The following NANP variants were observed in gnomAD, a reference collection of about 807,000 sequenced individuals.
NANP encodes the protein N-acylneuraminate-9-phosphatase.
Under a neutral mutation model 16.9 loss-of-function variants are expected in NANP, and 15 were observed. The observed-to-expected ratio is 0.89, with a 90% CI of 0.59 to 1.37. The LOEUF is 1.37. NANP is among the 40% of genes most tolerant of loss of function. The pLI, the probability that NANP is intolerant of heterozygous loss-of-function variation, is 0.00. For missense variants in NANP, 290 were observed against 303.5 expected, an observed-to-expected ratio of 0.96 and a Z score of 0.33; for synonymous variants, 135 against 112.6, an observed-to-expected ratio of 1.20 and a Z score of -1.26.
intron 1 of NANP, among the ~76,000 whole-genome samples, chr20:25,622,178 T>C (rs1286289342): frequency 6.6e-6 from 1 of 152,224 alleles, no homozygotes; most frequent in Non-Finnish European, 1.5e-5. Context: ...GTGGCAAGAA[T>C]GTGGAGGACA....
rs1449155004 is a variant in NANP at position 25,616,271 on chromosome 20, T to C, written c.401A>G (p.Asp134Gly). The C allele has an allele frequency of 2.5e-6, 4 of 1,614,160 alleles. No homozygotes were observed. Among genetic ancestry groups the C allele is most frequent in the South Asian group, 1.1e-5 (1 of 91,086 alleles). Reference sequence around the variant, plus strand: ...AATCTTCTCCCTCTGGGTCTGTCTGTCCCCATTCGTTAATAGAAGTAGGCG... The same window carrying C: ...AATCTTCTCCCTCTGGGTCTGTCTGCCCCCATTCGTTAATAGAAGTAGGCG... Reference protein sequence around the residue: ...EVRLLLLTNGDRQTQREKIEA... With the variant: ...EVRLLLLTNGGRQTQREKIEA... Residue 134 changes from aspartate to glycine, a missense_variant, in exon 2 of 2, where the codon GAC (aspartate) becomes GGC (glycine). By Grantham distance (94) the Asp-to-Gly change is moderately conservative. Transcript: ENST00000304788.
intron 1 of NANP, among the ~76,000 whole-genome samples, chr20:25,621,700 G>A (rs1600398842): frequency 6.6e-6 from 1 of 152,096 alleles, no homozygotes; most frequent in Non-Finnish European, 1.5e-5. Flanking sequence ...GACTACAGGC[G>A]CCCGCCAACA....
Position 25,615,956 on chromosome 20 carries a change from CT to C in NANP, c.715del (p.Ser239ValfsTer2). ...GGACATACTGACTTTGCAGTCTATA[CT>C]TTGTAAGAGAGCAGGTAACTCTAGC... Reference protein sequence around the residue: ...SVLELPALLQSIDCKVSMST With the variant: ...SVLELPALLQXIDCKVSMST On this transcript the variant is annotated frameshift_variant, in exon 2 of 2. Coordinates refer to ENST00000304788, the MANE Select transcript of NANP (RefSeq NM_152667.3). LOFTEE classifies it high-confidence loss of function. The C allele has an allele frequency of 3.7e-6, 6 of 1,613,816 alleles. No individual in the cohort carries two copies. Among genetic ancestry groups the C allele is most frequent in the Non-Finnish European group, 5.1e-6 (6 of 1,179,866 alleles).
chr20:25,616,053 C>G lies in NANP; in HGVS notation c.619G>C (p.Val207Leu). 1 of 1,614,188 alleles carries G rather than the reference C, an allele frequency of 6.2e-7. No homozygotes were observed. The highest frequency in any genetic ancestry group is 1.6e-4 in the Middle Eastern group (1 of 6,062). ...GGLNAGLKAT[V>L]WINKNGIVPL... ...ACTATTCCATTTTTATTGATCCAGA[C>G]TGTTGCTTTCAATCCTGCATTGAGG... Residue 207 changes from valine to leucine, a missense_variant, in exon 2 of 2, where the codon GTC becomes CTC. By Grantham distance (32) the Val-to-Leu change is conservative (BLOSUM62 1). Transcript: ENST00000304788.
rs993163812 is a variant in NANP, at chr20:25,615,280, G to A, written c.*645C>T. On this transcript the variant is annotated 3_prime_UTR_variant, in exon 2 of 2. Coordinates refer to ENST00000304788, the MANE Select transcript of NANP (RefSeq NM_152667.3). ...CAGCTTTTTCTAACTGGAGGAATCT[G>A]TCACATGCCATAGAAAAATTGCTCC... 2 of 151,236 alleles carry A rather than the reference G, an allele frequency of 1.3e-5. No individual in the cohort carries two copies. Among genetic ancestry groups the A allele is most frequent in the Non-Finnish European group, 2.9e-5 (2 of 67,936 alleles). The allele number at this position is 151,236 out of a possible 1,614,324, so 9.4% of individuals were successfully genotyped here. A position where few individuals can be genotyped will look rare whatever the true frequency, so the allele number is the denominator to read the frequency against.
chr20:25,615,780 G>C lies in NANP; in HGVS notation c.*145C>G, dbSNP rs1227155438. The C allele has an allele frequency of 1.3e-6, 1 of 774,558 alleles. No individual in the cohort carries two copies. Among genetic ancestry groups the C allele is most frequent in the African/African-American group, 1.8e-5 (1 of 56,968 alleles). 48.0% of individuals were successfully genotyped at this position (774,558 alleles called of 1,614,324 possible). A position where few individuals can be genotyped will look rare whatever the true frequency, so the allele number is the denominator to read the frequency against. On this transcript the variant is annotated 3_prime_UTR_variant, in exon 2 of 2. Transcript: ENST00000304788. The stretch of plus-strand genomic sequence containing the variant: ...GTTACAACTTAGAAGCAATAGGGTT[G>C]GGAAGACCTTCAAAATATTGGCCAT...
At chr20:25,623,718 A>C in intron 1 of NANP, 141 bp downstream of exon 1, 1 of 792,486 alleles carries the variant, frequency 1.3e-6, no homozygotes, top group Middle Eastern at 3.6e-4. Flanking sequence ...CCACCTCCGC[A>C]CCCGCACGCT....
chr20:25,613,463 G>T lies in NANP; in HGVS notation c.*2462C>A, dbSNP rs9941767. On this transcript the variant is annotated 3_prime_UTR_variant, in exon 2 of 2. Transcript: ENST00000304788. ...GCCCACCTCTGTAAGCAGTGTTAGG[G>T]AGGGCCTCTGGCTTTGTGTGAGAAG... The T allele has an allele frequency of 6.0e-3, 1,016 of 170,702 alleles. 17 individuals are homozygous for T. The highest frequency in any genetic ancestry group is 0.023 in the African/African-American group (969 of 42,350). 10.6% of individuals were successfully genotyped at this position (170,702 alleles called of 1,614,324 possible).
Position 25,614,029 on chromosome 20 carries a change from G to C in NANP, c.*1896C>G. 1 of 392,518 alleles carries C rather than the reference G, an allele frequency of 2.5e-6. No individual in the cohort carries two copies. Among genetic ancestry groups the C allele is most frequent in the East Asian group, 3.6e-5 (1 of 27,738 alleles). The allele number at this position is 392,518 out of a possible 1,614,324, so 24.3% of individuals were successfully genotyped here. ...ATATGATCAAGGTCATATGGGTACT[G>C]CATTTGAAACTACAAACATCCTCTG... is the stretch of plus-strand genomic sequence containing the variant. On this transcript the variant is annotated 3_prime_UTR_variant, in exon 2 of 2. Transcript: ENST00000304788.
At chr20:25,621,729 A>G (rs1429045540) in intron 1 of NANP, among the ~76,000 whole-genome samples, 10 of 152,076 alleles carry the variant, frequency 6.6e-5, no homozygotes, top group African/African-American at 2.4e-4. Flanking sequence ...TAATTTTTGT[A>G]TTTTTAGTAG....
chr20:25,616,646 T>G (rs1157516406), intron 1 of NANP, 65 bp from the exon 2 acceptor site: 29 of 1,314,910 alleles, frequency 2.2e-5, no homozygotes, highest in Non-Finnish European at 2.9e-5. Context: ...CCTAGGAAGC[T>G]GTGATCCTAC....
Position 25,616,045 on chromosome 20 carries a change from G to T in NANP, c.627C>A (p.Ile209=). 1 of 1,614,162 alleles carries T rather than the reference G, an allele frequency of 6.2e-7. No individual in the cohort carries two copies. Among genetic ancestry groups the T allele is most frequent in the Non-Finnish European group, 8.5e-7 (1 of 1,180,030 alleles). ...TCAGTGGCACTATTCCATTTTTATT[G>T]ATCCAGACTGTTGCTTTCAATCCTG... ...LNAGLKATVW[I]NKNGIVPLKS... is the part of the protein sequence containing the mutation. Residue 209 remains isoleucine (I), a synonymous_variant, in exon 2 of 2, where the codon ATC becomes ATA. Transcript: ENST00000304788.
chr20:25,616,120 A>G lies in NANP; in HGVS notation c.552T>C (p.Cys184=), dbSNP rs1462812292. 4 of 1,613,978 alleles carry G rather than the reference A, an allele frequency of 2.5e-6. No homozygotes were observed. Among genetic ancestry groups the G allele is most frequent in the Non-Finnish European group, 2.5e-6 (3 of 1,180,030 alleles). The stretch of plus-strand genomic sequence containing the variant: ...TTTCTAATGTGTCACCGACCATCAC[A>G]CAGTCCCCAGGTTGTACTCCGAGAA... The part of the protein sequence containing the change: ...CNLLGVQPGD[C]VMVGDTLETD... The change falls in exon 2 of 2, where the codon TGT becomes TGC. Residue 184 remains cysteine (C), a synonymous_variant. Coordinates refer to ENST00000304788, the MANE Select transcript of NANP (RefSeq NM_152667.3).
intron 1 of NANP, among the ~76,000 whole-genome samples, chr20:25,618,521 G>A (rs1343993204): frequency 6.6e-6 from 1 of 152,072 alleles, no homozygotes; most frequent in African/African-American, 2.4e-5. Context: ...TATAGCAGGT[G>A]CTGCCTAAAT....
chr20:25,621,755 G>A (rs772060496), intron 1 of NANP, among the ~76,000 whole-genome samples: 5 of 152,164 alleles, frequency 3.3e-5, no homozygotes, highest in South Asian at 4.1e-4. Context: ...GGGTTTCACC[G>A]TGTTAGCCAG....
chr20:25,622,588 T>C (rs2065369624), intron 1 of NANP, among the ~76,000 whole-genome samples: 1 of 152,182 alleles, frequency 6.6e-6, no homozygotes, highest in South Asian at 2.1e-4. Flanking sequence ...CAGGTAAATA[T>C]GTAACATCTG....
In NANP at chr20:25,622,146, T is replaced by A. The variant is rs112542777; in HGVS notation, c.90+1713A>T. Among the ~76,000 whole-genome samples the A allele has an allele frequency of 2.0e-3, 306 of 152,276 alleles. 1 individual carries two copies. The highest frequency in any genetic ancestry group is 7.2e-3 in the African/African-American group (301 of 41,542). On this transcript the variant is annotated intron_variant, in intron 1 of 1. Coordinates refer to ENST00000304788, the MANE Select transcript of NANP (RefSeq NM_152667.3). ...AAGACCAGGGAGGCATACGATTTAG[T>A]CTTTGTTTTAAAAATATTGCTGTGG...
In NANP at chr20:25,616,375, A is replaced by G; in HGVS notation, c.297T>C (p.Leu99=). 6.2e-7 allele frequency: 1 copy of G among 1,612,924 alleles called. No individual in the cohort carries two copies. Among genetic ancestry groups the G allele is most frequent in the Non-Finnish European group, 8.5e-7 (1 of 1,179,578 alleles). Residue 99 remains leucine, a synonymous_variant, in exon 2 of 2, where the codon CTT becomes CTC. Coordinates refer to ENST00000304788, the MANE Select transcript of NANP (RefSeq NM_152667.3). ...TATGCTGTAAACGTGTAGATTTCCAAAGGAAATAACATTCTTCAGCCAATT... is the reference window on the plus strand; with the variant it reads ...TATGCTGTAAACGTGTAGATTTCCAGAGGAAATAACATTCTTCAGCCAATT... ...NRKLAEECYF[L]WKSTRLQHMT... is the part of the protein sequence containing the mutation.
In NANP at chr20:25,615,780, G is replaced by T; in HGVS notation, c.*145C>A. On this transcript the variant is annotated 3_prime_UTR_variant, in exon 2 of 2. Coordinates refer to ENST00000304788, the MANE Select transcript of NANP (RefSeq NM_152667.3). ...GTTACAACTTAGAAGCAATAGGGTT[G>T]GGAAGACCTTCAAAATATTGGCCAT... 1 of 774,674 alleles carries T rather than the reference G, an allele frequency of 1.3e-6. No homozygotes were observed. Among genetic ancestry groups the T allele is most frequent in the Non-Finnish European group, 2.0e-6 (1 of 497,262 alleles). The allele number at this position is 774,674 out of a possible 1,614,324, so 48.0% of individuals were successfully genotyped here. A position where few individuals can be genotyped will look rare whatever the true frequency, so the allele number is the denominator to read the frequency against.
Sources: allele counts gnomAD v4.1 joint callset (sites outside exome capture counted in the v4.1 genomes callset), GRCh38; gene constraint gnomAD v4.1.1; transcripts MANE v1.5; gene names NCBI Gene and HGNC (gene_info 2026-07-23, HGNC 2026-07-21).